Variants in JAK1 observed in about 807,000 individuals in gnomAD.
The protein encoded by JAK1 is tyrosine-protein kinase JAK1.
In JAK1, 16 loss-of-function variants were observed where a neutral mutation model predicts 136.6. That is an observed-to-expected ratio of 0.12 (90% CI 0.08 to 0.18). The LOEUF (loss-of-function observed/expected upper bound fraction) is 0.18, where lower values mean the gene tolerates loss of function less well. Among genes scored for constraint, JAK1 ranks in the 10% least tolerant of loss-of-function variants. The pLI, the probability that JAK1 is intolerant of heterozygous loss-of-function variation, is 1.00. For missense variants in JAK1, 859 were observed against 1,450.1 expected (o/e 0.59, Z 6.62); for synonymous variants, 492 against 519.5 (o/e 0.95, Z 0.72).
chr1:64,908,564 C>A (rs1645229194), intron 1 of JAK1, among the ~76,000 whole-genome samples: 2 of 152,132 alleles, frequency 1.3e-5, no homozygotes, highest in African/African-American at 4.8e-5. Context: ...AGAGCAGAAG[C>A]AGATGGTTAA....
At chr1:65,055,138 TC>T (rs1647474221) in intron 1 of JAK1, among the ~76,000 whole-genome samples, 1 of 151,882 alleles carries the variant, frequency 6.6e-6, no homozygotes. Context: ...CAAATACAAC[TC>T]CATTAAACAC....
chr1:64,971,226 G>A (rs781505121), upstream of JAK1, among the ~76,000 whole-genome samples: 12 of 152,026 alleles, frequency 7.9e-5, no homozygotes, highest in South Asian at 2.1e-4. Flanking sequence ...CTTTTTCCAC[G>A]GGGCATATTT....
chr1:64,929,632 T>C (rs1397049765), intron 1 of JAK1, among the ~76,000 whole-genome samples: 1 of 152,200 alleles, frequency 6.6e-6, no homozygotes, highest in Non-Finnish European at 1.5e-5. Flanking sequence ...AGTCTGAACA[T>C]ATAAAATTAA....
chr1:64,997,860 C>G (rs1426582795), intron 2 of JAK1, among the ~76,000 whole-genome samples: 1 of 152,186 alleles, frequency 6.6e-6, no homozygotes, highest in Admixed American at 6.5e-5. Flanking sequence ...AGGGATCCCT[C>G]TTGTTTCCTG....
Position 64,844,645 on chromosome 1 carries a change from C to CAA in JAK1, c.2251+107_2251+108dup. 18 of 1,149,654 alleles carry CAA rather than the reference C, an allele frequency of 1.6e-5. No individual in the cohort carries two copies. Among genetic ancestry groups the CAA allele is most frequent in the South Asian group, 3.1e-5 (2 of 65,240 alleles). The allele number at this position is 1,149,654 out of a possible 1,614,324, so 71.2% of individuals were successfully genotyped here. ...GTGAAACCCCGTCTCTACTAAAATA[C>CAA]AAAAAAAAAATGACTCTCTAAAAGG... On this transcript the variant is annotated intron_variant, in intron 16 of 24. Coordinates refer to ENST00000342505, the MANE Select transcript of JAK1 (RefSeq NM_002227.4). The surrounding 1 kb of genome is among the most constrained non-coding windows in gnomAD (Gnocchi z 5.7).
chr1:65,011,386 G>A (rs188792337), intron 2 of JAK1, among the ~76,000 whole-genome samples: 16 of 152,236 alleles, frequency 1.1e-4, no homozygotes, highest in Non-Finnish European at 2.1e-4. Context: ...TGAGGCAGGA[G>A]GATCACTTGA....
intron 2 of JAK1, among the ~76,000 whole-genome samples, chr1:65,027,437 G>A (rs1646987630): frequency 6.6e-6 from 1 of 152,044 alleles, no homozygotes; most frequent in African/African-American, 2.4e-5. Context: ...ACTGATGCCG[G>A]CAGAAGAAGC....
chr1:64,957,787 A>G (rs1035970768), intron 1 of JAK1, among the ~76,000 whole-genome samples: 1 of 152,026 alleles, frequency 6.6e-6, no homozygotes, highest in African/African-American at 2.4e-5. Flanking sequence ...TACTAAAAAT[A>G]CAAAAAATTA....
chr1:64,914,589 G>C (rs559714340), intron 1 of JAK1, among the ~76,000 whole-genome samples: 1 of 152,286 alleles, frequency 6.6e-6, no homozygotes, highest in Non-Finnish European at 1.5e-5. Flanking sequence ...TTTTGAGACA[G>C]AGTCTCATCT....
At chr1:65,038,198 CTTT>C (rs113538392) in intron 2 of JAK1, among the ~76,000 whole-genome samples, 3 of 133,258 alleles carry the variant, frequency 2.3e-5, no homozygotes, top group Admixed American at 7.7e-5. Flanking sequence ...TTTTTCTTTT[CTTT>C]TTTTTTTTTT....
intron 1 of JAK1, among the ~76,000 whole-genome samples, chr1:64,924,540 T>C (rs1645549966): frequency 6.6e-6 from 1 of 152,202 alleles, no homozygotes; most frequent in African/African-American, 2.4e-5. Flanking sequence ...TGCTCTGCTA[T>C]GAGGCCAAGT....
intron 2 of JAK1, among the ~76,000 whole-genome samples, chr1:65,014,222 G>T (rs1037924422): frequency 7.9e-5 from 12 of 152,112 alleles, no homozygotes; most frequent in Admixed American, 2.0e-4. Flanking sequence ...GAAGACCAGA[G>T]ATTATATGGC....
rs538518607 is a variant in JAK1 at position 64,986,343 on chromosome 1, G to A, written c.-78+58137C>T. 4.6e-5 allele frequency among the ~76,000 whole-genome samples: 7 copies of A among 152,186 alleles called. No individual in the cohort carries two copies. In the South Asian group the frequency reaches 1.2e-3, roughly 27 times the overall value. ...GCTGGTCTCGAACTCCTGACTTCAG[G>A]TGACTCACCCACCTCGGCCTCCCAA... is the stretch of plus-strand genomic sequence containing the variant. On this transcript the variant is annotated intron_variant, in intron 2 of 25. Transcript: ENST00000671954.
At chr1:64,836,068 G>T in intron 23 of JAK1, 30 bp downstream of exon 23, 1 of 1,238,164 alleles carries the variant, frequency 8.1e-7, no homozygotes, top group Non-Finnish European at 1.2e-6. Flanking sequence ...ATGGGTACTG[G>T]ATTCAAATGA....
At chr1:65,005,201 G>A (rs946541275) in intron 2 of JAK1, among the ~76,000 whole-genome samples, 4 of 152,242 alleles carry the variant, frequency 2.6e-5, no homozygotes, top group African/African-American at 9.6e-5. Flanking sequence ...AAAATTAGCA[G>A]GGCATGGTGG....
chr1:64,930,418 A>G (rs374575200), intron 1 of JAK1, among the ~76,000 whole-genome samples: 1 of 152,222 alleles, frequency 6.6e-6, no homozygotes, highest in Non-Finnish European at 1.5e-5. Flanking sequence ...ATCACTGTTC[A>G]TTAGAGAAAC....
chr1:64,855,481 A>C, intron 11 of JAK1, 28 bp downstream of exon 11: 1 of 1,608,306 alleles, frequency 6.2e-7, no homozygotes, highest in Non-Finnish European at 8.5e-7. Flanking sequence ...GATGGGATAC[A>C]GCCTGGCTCT....
intron 11 of JAK1, among the ~76,000 whole-genome samples, chr1:64,854,904 A>G (rs545231069): frequency 2.0e-5 from 3 of 151,012 alleles, no homozygotes; most frequent in African/African-American, 7.3e-5. Context: ...GCAACCTCCC[A>G]CTCATCCTCC....
intron 2 of JAK1, among the ~76,000 whole-genome samples, chr1:65,003,281 G>A (rs1646777622): frequency 6.6e-6 from 1 of 151,978 alleles, no homozygotes; most frequent in African/African-American, 2.4e-5. Context: ...TTGTCCTTTA[G>A]AAAGAAAGAA....
Sources: gnomAD v4.1 joint callset for allele counts (sites outside exome capture counted in the v4.1 genomes callset) on GRCh38, gnomAD v4.1.1 for gene constraint, Gnocchi (gnomAD v3.1) non-coding constraint, MANE v1.5 for transcripts, NCBI Gene and HGNC (gene_info 2026-07-23, HGNC 2026-07-21) for gene names.